The following ADAMTS6 variants were observed in gnomAD, a reference collection of about 807,000 sequenced individuals.
ADAMTS6 encodes the protein ADAM metallopeptidase with thrombospondin type 1 motif 6, also known as A disintegrin and metalloproteinase with thrombospondin motifs 6.
In ADAMTS6, 23 loss-of-function variants were observed where a neutral mutation model predicts 144.3. That is an observed-to-expected ratio of 0.16 (90% CI 0.11 to 0.23). The LOEUF (loss-of-function observed/expected upper bound fraction) is 0.23, where lower values mean the gene tolerates loss of function less well. ADAMTS6 is among the 10% of genes least tolerant of loss of function. The probability of loss-of-function intolerance (pLI) is 1.00; values close to 1 mark genes in which losing one functional copy is unlikely to be tolerated. For synonymous variants in ADAMTS6, 444 were observed against 457.5 expected (o/e 0.97, Z 0.38); for missense variants, 999 against 1,379.6 (o/e 0.72, Z 4.37).
At chr5:65,349,077 C>G (rs996046118) in intron 7 of ADAMTS6, among the ~76,000 whole-genome samples, 1 of 152,054 alleles carries the variant, frequency 6.6e-6, no homozygotes, top group Non-Finnish European at 1.5e-5. Flanking sequence ...AAGTACACAG[C>G]TTATTTTGTC....
intron 2 of ADAMTS6, 59 bp downstream of exon 2, chr5:65,473,518 T>A (rs1760627488): frequency 6.9e-7 from 1 of 1,443,988 alleles, no homozygotes; most frequent in Admixed American, 1.8e-5. Context: ...ATATGCAGAA[T>A]CTTTTCTTGT....
At chr5:65,152,508 T>A (rs952198907) in intron 24 of ADAMTS6, among the ~76,000 whole-genome samples, 12 of 152,200 alleles carry the variant, frequency 7.9e-5, no homozygotes, top group Non-Finnish European at 1.8e-4. Flanking sequence ...CTTTGAGGGG[T>A]TGGCCTCAAA....
intron 20 of ADAMTS6, chr5:65,210,998 AG>A (rs1488789356): frequency 5.8e-6 from 1 of 170,964 alleles, no homozygotes; most frequent in African/African-American, 2.4e-5. Flanking sequence ...CAACAAAAAA[AG>A]AACTGACTTT....
chr5:65,213,360 G>T (rs943372080), intron 20 of ADAMTS6, among the ~76,000 whole-genome samples: 1 of 152,006 alleles, frequency 6.6e-6, no homozygotes, highest in Non-Finnish European at 1.5e-5. Context: ...TACTGAATTA[G>T]GCTGGGCGTG....
At chr5:65,247,706 G>A (rs565181224) in intron 14 of ADAMTS6, among the ~76,000 whole-genome samples, 1 of 152,040 alleles carries the variant, frequency 6.6e-6, no homozygotes, top group African/African-American at 2.4e-5. Context: ...AGATATGCAG[G>A]CTGGAAGGAT....
rs150000071 is a variant in ADAMTS6, at chr5:65,158,390, C to T, written c.3245-6445G>A. Among the ~76,000 whole-genome samples the T allele has an allele frequency of 4.5e-4, 68 of 152,318 alleles. No homozygotes were observed. In the East Asian group the frequency reaches 0.013, roughly 29 times the overall value. On this transcript the variant is annotated intron_variant, in intron 24 of 24. Coordinates refer to ENST00000381055, the MANE Select transcript of ADAMTS6 (RefSeq NM_197941.4). ...TCCTGGGCTGGTAAACCATTGTACA[C>T]TAACCACACCTTTCCTGGATTGGTT...
Position 65,226,156 on chromosome 5 carries a change from G to A in ADAMTS6, c.1997C>T (p.Ala666Val). The A allele has an allele frequency of 6.2e-7, 1 of 1,613,992 alleles. No individual in the cohort carries two copies. The highest frequency in any genetic ancestry group is 8.5e-7 in the Non-Finnish European group (1 of 1,179,932). ...AEGYNFYTER[A>V]PAVIDGTQCN... ...CTGGGTCCCATCGATCACCGCAGGA[G>A]CACGTTCAGTGTAGAAATTATAACC... Residue 666 changes from alanine to valine, a missense_variant, in exon 16 of 25, where the codon GCT (alanine) becomes GTT (valine). Ala to Val is a moderately conservative substitution (Grantham distance 64, BLOSUM62 0). This residue lies in a region of ADAMTS6 where 619 missense variants were observed against 837.0 expected (regional missense o/e 0.74). Coordinates refer to ENST00000381055, the MANE Select transcript of ADAMTS6 (RefSeq NM_197941.4).
intron 24 of ADAMTS6, 103 bp downstream of exon 24, chr5:65,170,514 T>A: frequency 7.5e-7 from 1 of 1,335,952 alleles, no homozygotes; most frequent in Admixed American, 2.3e-5. Flanking sequence ...AATGCTCTAC[T>A]CAAACTACAC....
In ADAMTS6 at chr5:65,369,757, C is replaced by T. The variant is rs78266604; in HGVS notation, c.1074-35672G>A. 8.0e-4 allele frequency among the ~76,000 whole-genome samples: 122 copies of T among 152,180 alleles called. 2 individuals are homozygous for T. In the East Asian group the frequency reaches 0.024, roughly 29 times the overall value. On this transcript the variant is annotated intron_variant, in intron 7 of 24. Transcript: ENST00000381055. ...ATACATTGGGTATATTATTAGCAAC[C>T]TATATGAATATGAGCTATCTGGCTT...
intron 7 of ADAMTS6, among the ~76,000 whole-genome samples, chr5:65,407,183 T>G (rs373028209): frequency 2.6e-5 from 4 of 152,014 alleles, no homozygotes; most frequent in Admixed American, 2.6e-4. Context: ...CACAAAATTG[T>G]CAGATTCACC....
At position 65,473,743 on chromosome 5, in the gene ADAMTS6, G is replaced by A; in HGVS notation, c.-70C>T. ...AAAGAGTCAATACCATACCAAAATC[G>A]AAGCATAACAATTTTATTTCTTTAA... On this transcript the variant is annotated 5_prime_UTR_variant, in exon 2 of 25. It introduces an in-frame stop codon into an upstream open reading frame of the 5' UTR. Transcript: ENST00000381055. 3 of 1,143,484 alleles carry A rather than the reference G, an allele frequency of 2.6e-6. No homozygotes were observed. The highest frequency in any genetic ancestry group is 2.0e-4 in the Middle Eastern group (1 of 5,032). 70.8% of individuals were successfully genotyped at this position (1,143,484 alleles called of 1,614,324 possible).
rs144601294 is a variant in ADAMTS6 at position 65,465,591 on chromosome 5, C to A, written c.462+5187G>T. ...TTCTCTCCTCCCACTCCATTTTAAA[C>A]CTACTCCAATCATGTCATTGCCTCT... On this transcript the variant is annotated intron_variant, in intron 3 of 24. Transcript: ENST00000381055. Among the ~76,000 whole-genome samples the A allele has an allele frequency of 6.1e-3, 924 of 152,298 alleles. 10 individuals carry two copies. Among genetic ancestry groups the A allele is most frequent in the African/African-American group, 0.022 (896 of 41,552 alleles).
chr5:65,346,066 A>G (rs1044242594), intron 7 of ADAMTS6, among the ~76,000 whole-genome samples: 2 of 151,904 alleles, frequency 1.3e-5, no homozygotes, highest in South Asian at 4.1e-4. Context: ...CTTATCTAAA[A>G]AAGAATTTAT....
chr5:65,260,731 C>T, intron 13 of ADAMTS6, 68 bp from the exon 14 acceptor site: 4 of 1,234,650 alleles, frequency 3.2e-6, no homozygotes, highest in Non-Finnish European at 4.6e-6. Context: ...ATATATATTA[C>T]TTGATGAAAA....
intron 3 of ADAMTS6, among the ~76,000 whole-genome samples, chr5:65,467,601 T>C (rs1397143557): frequency 2.6e-5 from 4 of 152,188 alleles, no homozygotes; most frequent in Non-Finnish European, 5.9e-5. Flanking sequence ...ATGCCCTATA[T>C]ATTCCCTTTC....
rs374816437 is a variant in ADAMTS6 at position 65,192,891 on chromosome 5, A to G, written c.2705+4131T>C. On this transcript the variant is annotated intron_variant, in intron 21 of 24. Transcript: ENST00000381055. Reference sequence around the variant, plus strand: ...TTCCTAGTCCTCCGTCATTTTCTCTATAAGGACAAATCTTACTGTTCTCCC... The same window carrying G: ...TTCCTAGTCCTCCGTCATTTTCTCTGTAAGGACAAATCTTACTGTTCTCCC... 1.9e-4 allele frequency among the ~76,000 whole-genome samples: 29 copies of G among 152,050 alleles called. No homozygotes were observed. In the East Asian group the frequency reaches 3.9e-3, roughly 20 times the overall value.
At chr5:65,365,815 C>A (rs1208586064) in intron 7 of ADAMTS6, among the ~76,000 whole-genome samples, 1 of 151,954 alleles carries the variant, frequency 6.6e-6, no homozygotes, top group Non-Finnish European at 1.5e-5. Flanking sequence ...ATAAAACATC[C>A]TATATAAGCT....
At chr5:65,351,556 T>C (rs191469333) in intron 7 of ADAMTS6, among the ~76,000 whole-genome samples, 28 of 152,304 alleles carry the variant, frequency 1.8e-4, no homozygotes, top group African/African-American at 6.7e-4. Flanking sequence ...TATGGATAAA[T>C]ATCTAAAAAA....
rs532556208 is a variant in ADAMTS6, at chr5:65,448,648, G to A, written c.1073+2827C>T. Among the ~76,000 whole-genome samples, 128 of 151,934 alleles carry A rather than the reference G, an allele frequency of 8.4e-4. 1 individual carries two copies. The highest frequency in any genetic ancestry group is 1.0e-3 in the Non-Finnish European group (68 of 67,986). Reference sequence around the variant, plus strand: ...TTTTTGTATTTTTAGTAGAGACAGGGTTTCACCGTGTTAGCCAGATGGTCT... The same window carrying A: ...TTTTTGTATTTTTAGTAGAGACAGGATTTCACCGTGTTAGCCAGATGGTCT... On this transcript the variant is annotated intron_variant, in intron 7 of 24. Transcript: ENST00000381055.
Sources: allele counts gnomAD v4.1 joint callset (sites outside exome capture counted in the v4.1 genomes callset), GRCh38; gene constraint gnomAD v4.1.1; regional missense constraint gnomAD v4.1.1; transcripts MANE v1.5; gene names NCBI Gene and HGNC (gene_info 2026-07-23, HGNC 2026-07-21).